SHISA9: variants seen among roughly 807,000 people sequenced by gnomAD.
SHISA9 encodes the protein protein shisa-9.
Under a neutral mutation model 38.0 loss-of-function variants are expected in SHISA9, and 13 were observed. That is an observed-to-expected ratio of 0.34 (90% confidence interval 0.22 to 0.54). The LOEUF (loss-of-function observed/expected upper bound fraction) is 0.54, where lower values mean the gene tolerates loss of function less well. Among genes scored for constraint, SHISA9 ranks in the 20% least tolerant of loss-of-function variants. SHISA9 has a pLI of 0.91. For missense variants in SHISA9, 538 were observed against 575.8 expected, an observed-to-expected ratio of 0.93 and a Z score of 0.67; for synonymous variants, 275 against 242.0, an observed-to-expected ratio of 1.14 and a Z score of -1.27.
chr16:13,229,345 G>C (rs1405271981), intron 4 of SHISA9, among the ~76,000 whole-genome samples: 1 of 152,180 alleles, frequency 6.6e-6, no homozygotes, highest in African/African-American at 2.4e-5. Context: ...GCTTATTATG[G>C]AGAGATCTGA....
the SHISA9 span, among the ~76,000 whole-genome samples, chr16:13,504,793 TAAG>T: frequency 6.6e-6 from 1 of 152,170 alleles, no homozygotes; most frequent in Non-Finnish European, 1.5e-5. Flanking sequence ...ATCATCTCTA[TAAG>T]AAGTATTATT....
chr16:13,506,091 C>T, the SHISA9 span, among the ~76,000 whole-genome samples: 39,865 of 152,018 alleles, frequency 0.26, 5,638 homozygotes, highest in East Asian at 0.41. Flanking sequence ...ATTAGCTAAA[C>T]CCCAGATAAA....
At chr16:13,177,198 A>G (rs1420990272) in intron 2 of SHISA9, among the ~76,000 whole-genome samples, 1 of 152,194 alleles carries the variant, frequency 6.6e-6, no homozygotes, top group Non-Finnish European at 1.5e-5. Context: ...CTCAGAGAAC[A>G]TATTAGCAGC....
rs554084481 is a variant in SHISA9, at chr16:12,959,496, G to A, written c.691+42681G>A. Among the ~76,000 whole-genome samples the A allele has an allele frequency of 3.1e-3, 467 of 152,164 alleles. 3 individuals are homozygous for A. Among genetic ancestry groups the A allele is most frequent in the African/African-American group, 0.01 (433 of 41,518 alleles). On this transcript the variant is annotated intron_variant, in intron 2 of 4. Transcript: ENST00000558583. Reference sequence around the variant, plus strand: ...CTACTGTCCACTGTAGTCCTCTTTCGAGGAAAAGAAAAAACTCAGGGCAGC... The same window carrying A: ...CTACTGTCCACTGTAGTCCTCTTTCAAGGAAAAGAAAAAACTCAGGGCAGC...
intron 2 of SHISA9, among the ~76,000 whole-genome samples, chr16:12,943,493 G>A (rs989045712): frequency 6.6e-6 from 1 of 151,828 alleles, no homozygotes; most frequent in African/African-American, 2.4e-5. Flanking sequence ...ATGTATGATT[G>A]TTTATTTATA....
chr16:13,545,350 A>T, the SHISA9 span, among the ~76,000 whole-genome samples: 1 of 152,250 alleles, frequency 6.6e-6, no homozygotes, highest in African/African-American at 2.4e-5. Flanking sequence ...GCAGACGGAA[A>T]TGCCAGCATC....
At chr16:13,373,693 C>A in the SHISA9 span, among the ~76,000 whole-genome samples, 2 of 148,390 alleles carry the variant, frequency 1.3e-5, no homozygotes, top group Non-Finnish European at 3.0e-5. Context: ...ACCCAGGAGG[C>A]AGAGGTTGCA....
At chr16:13,318,889 C>A in the SHISA9 span, among the ~76,000 whole-genome samples, 4 of 152,352 alleles carry the variant, frequency 2.6e-5, no homozygotes, top group Admixed American at 1.3e-4. Flanking sequence ...TAAATCAAGT[C>A]TGAATTCCTT....
chr16:13,231,749 C>T (rs569134602), intron 4 of SHISA9, among the ~76,000 whole-genome samples: 3 of 152,160 alleles, frequency 2.0e-5, no homozygotes, highest in South Asian at 2.1e-4. Context: ...GGAAAGAGTG[C>T]GGTGATCAAT....
intron 2 of SHISA9, among the ~76,000 whole-genome samples, chr16:13,073,970 T>G (rs78652021): frequency 0.52 from 51,692 of 98,622 alleles, 10,216 homozygotes; most frequent in South Asian, 0.63. Flanking sequence ...TTTTTTTTTG[T>G]TTTTTTTTTT....
intron 2 of SHISA9, among the ~76,000 whole-genome samples, chr16:13,046,426 G>C (rs1173447319): frequency 6.7e-6 from 1 of 149,362 alleles, no homozygotes; most frequent in Non-Finnish European, 1.5e-5. Flanking sequence ...CCTGCCCTGG[G>C]GAAAGCCAGG....
the SHISA9 span, among the ~76,000 whole-genome samples, chr16:13,296,633 T>G: frequency 6.6e-6 from 1 of 151,816 alleles, no homozygotes; most frequent in Non-Finnish European, 1.5e-5. Flanking sequence ...GATACAATAC[T>G]TGCTCATTGC....
At chr16:13,373,067 G>A in the SHISA9 span, among the ~76,000 whole-genome samples, 3 of 151,942 alleles carry the variant, frequency 2.0e-5, no homozygotes, top group African/African-American at 4.8e-5. Context: ...CACATATCCC[G>A]ACTACTAACT....
the SHISA9 span, chr16:13,350,386 A>C: frequency 1.3e-5 from 2 of 152,632 alleles, no homozygotes; most frequent in African/African-American, 4.8e-5. Context: ...TCCAGCCTGC[A>C]GATTGCCTAC....
chr16:13,281,542 T>C, the SHISA9 span, among the ~76,000 whole-genome samples: 1 of 148,316 alleles, frequency 6.7e-6, no homozygotes, highest in Non-Finnish European at 1.5e-5. Flanking sequence ...CCATTTTCAG[T>C]TTTTGTTCTC....
intron 2 of SHISA9, among the ~76,000 whole-genome samples, chr16:13,038,181 G>C (rs993061249): frequency 6.6e-6 from 1 of 152,118 alleles, no homozygotes; most frequent in Non-Finnish European, 1.5e-5. Context: ...GTAGAGACAG[G>C]GTTTCACCAT....
chr16:12,970,351 G>A (rs985892886), intron 2 of SHISA9, among the ~76,000 whole-genome samples: 5,486 of 44,492 alleles, frequency 0.12, 639 homozygotes, highest in Non-Finnish European at 0.17. Context: ...ATACATATAT[G>A]TGTATATATA....
the SHISA9 span, among the ~76,000 whole-genome samples, chr16:13,434,141 G>A: frequency 1.3e-5 from 2 of 152,148 alleles, no homozygotes; most frequent in Non-Finnish European, 2.9e-5. Context: ...TTCAAAGGCA[G>A]GAAGCATCCG....
the SHISA9 span, among the ~76,000 whole-genome samples, chr16:13,435,650 A>T: frequency 3.3e-5 from 5 of 152,218 alleles, no homozygotes; most frequent in African/African-American, 4.8e-5. Flanking sequence ...ACAGCCTCTG[A>T]TGTTATCAAG....
Sources: gnomAD v4.1 joint callset for allele counts (sites outside exome capture counted in the v4.1 genomes callset) on GRCh38, gnomAD v4.1.1 for gene constraint, MANE v1.5 for transcripts, NCBI Gene and HGNC (gene_info 2026-07-23, HGNC 2026-07-21) for gene names.